The following CREBZF variants were observed in gnomAD, a reference collection of about 807,000 sequenced individuals.
CREBZF encodes HCF-binding transcription factor Zhangfei.
CREBZF carries 8 observed loss-of-function variants against 21.1 expected under a neutral mutation model. That is an observed-to-expected ratio of 0.38 (90% confidence interval 0.22 to 0.68). CREBZF has a LOEUF of 0.68. CREBZF is among the 30% of genes least tolerant of loss of function. The pLI is 0.51. For missense variants in CREBZF, 518 were observed against 484.3 expected (o/e 1.07, Z -0.65); for synonymous variants, 270 against 223.3 (o/e 1.21, Z -1.86).
intron 1 of CREBZF, among the ~76,000 whole-genome samples, chr11:85,676,896 G>A (rs977389384): frequency 7.5e-5 from 11 of 147,630 alleles, no homozygotes; most frequent in African/African-American, 1.0e-4. Flanking sequence ...CGCTTGCCTC[G>A]GCCTCCCAAA....
chr11:85,674,776 C>A (rs538083519), intron 1 of CREBZF, among the ~76,000 whole-genome samples: 1 of 152,242 alleles, frequency 6.6e-6, no homozygotes, highest in Non-Finnish European at 1.5e-5. Flanking sequence ...GTTGCTGCTT[C>A]TCCATCAGCA....
chr11:85,664,324 C>G lies in CREBZF; in HGVS notation c.552G>C (p.Lys184Asn). ...CTCCTCCTGGGGACTTTCTCCGCCTCTTTTCGGCGCTGCCACTGTCACTGC... is the reference window on the plus strand; with the variant it reads ...CTCCTCCTGGGGACTTTCTCCGCCTGTTTTCGGCGCTGCCACTGTCACTGC... ...SSSSDSGSAE[K>N]RRRKSPGGGG... Residue 184 changes from lysine to asparagine, a missense_variant, in exon 1 of 1, where the codon AAG becomes AAC. Coordinates refer to ENST00000527447, the MANE Select transcript of CREBZF (RefSeq NM_001039618.4). This position sits in a 1 kb window ranked among gnomAD's most constrained non-coding sequence, Gnocchi z 5.5. 4 of 1,612,152 alleles carry G rather than the reference C, an allele frequency of 2.5e-6. No homozygotes were observed. Among genetic ancestry groups the G allele is most frequent in the Non-Finnish European group, 3.4e-6 (4 of 1,179,430 alleles).
At position 85,663,564 on chromosome 11, in the gene CREBZF, A is replaced by G. The variant is rs938135568; in HGVS notation, c.*247T>C. ...GAACGACTGTTCTGTAACCCCTACAACGGAGCCTGGCAGGAAGGAAATCAC... is the reference window on the plus strand; with the variant it reads ...GAACGACTGTTCTGTAACCCCTACAGCGGAGCCTGGCAGGAAGGAAATCAC... On this transcript the variant is annotated 3_prime_UTR_variant, in exon 1 of 1. Transcript: ENST00000527447. 2 of 1,498,640 alleles carry G rather than the reference A, an allele frequency of 1.3e-6. No individual in the cohort carries two copies. The highest frequency in any genetic ancestry group is 1.8e-6 in the Non-Finnish European group (2 of 1,099,546). The allele number at this position is 1,498,640 out of a possible 1,614,324, so 92.8% of individuals were successfully genotyped here. A position where few individuals can be genotyped will look rare whatever the true frequency, so the allele number is the denominator to read the frequency against.
Position 85,663,358 on chromosome 11 carries a change from C to A in CREBZF, c.*453G>T. On this transcript the variant is annotated 3_prime_UTR_variant, in exon 1 of 1. Transcript: ENST00000527447. The stretch of plus-strand genomic sequence containing the variant: ...GAGGCATCTTAAATACATTCTTGAC[C>A]AGCACAAGTCTGTTTCCAGGGTGGA... The A allele has an allele frequency of 1.6e-6, 1 of 617,608 alleles. No individual in the cohort carries two copies. The allele number at this position is 617,608 out of a possible 1,614,324, so 38.3% of individuals were successfully genotyped here.
At chr11:85,673,457 TTA>T (rs2082925293) in intron 1 of CREBZF, among the ~76,000 whole-genome samples, 1 of 152,232 alleles carries the variant, frequency 6.6e-6, no homozygotes, top group African/African-American at 2.4e-5. Context: ...TGCAACAGCA[TTA>T]TGTCTTTGAA....
Position 85,664,426 on chromosome 11 carries a change from C to T in CREBZF, c.450G>A (p.Glu150=), listed in dbSNP as rs2082791145. The change falls in exon 1 of 1, where the codon GAG becomes GAA. Residue 150 remains glutamate (E), a synonymous_variant. Transcript: ENST00000527447. The surrounding 1 kb of genome is among the most constrained non-coding windows in gnomAD (Gnocchi z 5.5). ...GGLWRGDDDD[E]AAAAEMQRFS... The stretch of plus-strand genomic sequence containing the variant: ...AGCGCTGCATTTCAGCAGCCGCGGC[C>T]TCATCGTCATCGTCCCCTCTCCACA... 6.2e-7 allele frequency: 1 copy of T among 1,613,812 alleles called. No individual in the cohort carries two copies. The highest frequency in any genetic ancestry group is 2.2e-5 in the East Asian group (1 of 44,860).
At chr11:85,678,477 A>G (rs1362424376) in intron 1 of CREBZF, among the ~76,000 whole-genome samples, 1 of 152,208 alleles carries the variant, frequency 6.6e-6, no homozygotes, top group East Asian at 1.9e-4. Flanking sequence ...TTAAGTCTTG[A>G]AAATTTTCTC....
In CREBZF at chr11:85,659,758, A is replaced by T. The variant is rs1565804637; in HGVS notation, c.*4053T>A. The T allele has an allele frequency of 6.6e-6, 1 of 152,020 alleles. No individual in the cohort carries two copies. Among genetic ancestry groups the T allele is most frequent in the Non-Finnish European group, 1.5e-5 (1 of 67,924 alleles). 9.4% of individuals were successfully genotyped at this position (152,020 alleles called of 1,614,324 possible). On this transcript the variant is annotated 3_prime_UTR_variant, in exon 1 of 1. Coordinates refer to ENST00000527447, the MANE Select transcript of CREBZF (RefSeq NM_001039618.4). ...ATAAACTGAAAAAATATTTCAATTA[A>T]AACAACCATATGCCACAAAAAGCCA...
chr11:85,678,532 A>G (rs2082956253), intron 1 of CREBZF, among the ~76,000 whole-genome samples: 1 of 152,224 alleles, frequency 6.6e-6, no homozygotes, highest in Non-Finnish European at 1.5e-5. Context: ...GCATCAATAT[A>G]TAGAAAAATG....
chr11:85,679,240 C>T (rs763148294), intron 1 of CREBZF, among the ~76,000 whole-genome samples: 24 of 152,176 alleles, frequency 1.6e-4, no homozygotes, highest in Non-Finnish European at 2.5e-4. Flanking sequence ...CCAGGAAAAG[C>T]GTCCTCTAAT....
At chr11:85,681,471 T>C (rs1479118066) in intron 1 of CREBZF, among the ~76,000 whole-genome samples, 1 of 152,236 alleles carries the variant, frequency 6.6e-6, no homozygotes, top group Non-Finnish European at 1.5e-5. Context: ...TACCAGTCAG[T>C]TCATTTCTCC....
rs2082677507 is a variant in CREBZF at position 85,661,473 on chromosome 11, G to A, written c.*2338C>T. The stretch of plus-strand genomic sequence containing the variant: ...TTCCAAAAACTGCCATTTATAAAAT[G>A]ACATTCTAAAAATCTACACTTGGAA... On this transcript the variant is annotated 3_prime_UTR_variant, in exon 1 of 1. Transcript: ENST00000527447. The A allele has an allele frequency of 6.6e-6, 1 of 152,418 alleles. No homozygotes were observed. The highest frequency in any genetic ancestry group is 1.5e-5 in the Non-Finnish European group (1 of 67,982). 9.4% of individuals were successfully genotyped at this position (152,418 alleles called of 1,614,324 possible).
chr11:85,662,671 A>G lies in CREBZF; in HGVS notation c.*1140T>C. 2.5e-6 allele frequency: 1 copy of G among 399,820 alleles called. No homozygotes were observed. The highest frequency in any genetic ancestry group is 4.5e-6 in the Non-Finnish European group (1 of 224,234). The allele number at this position is 399,820 out of a possible 1,614,324, so 24.8% of individuals were successfully genotyped here. On this transcript the variant is annotated 3_prime_UTR_variant, in exon 1 of 1. Transcript: ENST00000527447. ...CCAGAACCACTCAATTTAAAAAATT[A>G]TTTTAAAATAGGACAAATACTTTTG...
At chr11:85,674,419 T>C (rs563014017) in intron 1 of CREBZF, among the ~76,000 whole-genome samples, 1 of 152,340 alleles carries the variant, frequency 6.6e-6, no homozygotes, top group East Asian at 1.9e-4. Context: ...AAATATTCAG[T>C]AAACCACACT....
chr11:85,682,606 T>TTC, intron 1 of CREBZF: 3 of 204,628 alleles, frequency 1.5e-5, no homozygotes, highest in Non-Finnish European at 1.7e-5. Flanking sequence ...CCTGCCCTAC[T>TTC]CCCCCCAACG....
In CREBZF at chr11:85,658,155, G is replaced by A. The variant is rs914115984; in HGVS notation, c.*5656C>T. On this transcript the variant is annotated 3_prime_UTR_variant, in exon 1 of 1. Coordinates refer to ENST00000527447, the MANE Select transcript of CREBZF (RefSeq NM_001039618.4). ...CAATGAATTAAAAGTAATTTCTGGC[G>A]TTAACCCAAGTACCGAGTTAAGACT... Among the ~76,000 whole-genome samples the A allele has an allele frequency of 2.6e-5, 4 of 151,834 alleles. No homozygotes were observed. Among genetic ancestry groups the A allele is most frequent in the African/African-American group, 4.8e-5 (2 of 41,404 alleles).
At chr11:85,671,129 G>A (rs749627256) in intron 1 of CREBZF, among the ~76,000 whole-genome samples, 6 of 152,174 alleles carry the variant, frequency 3.9e-5, no homozygotes, top group Non-Finnish European at 8.8e-5. Context: ...TCACAATCAT[G>A]GTGGAAGGCA....
chr11:85,665,264 C>G (rs575312290), upstream of CREBZF, among the ~76,000 whole-genome samples: 16 of 152,182 alleles, frequency 1.1e-4, no homozygotes, highest in Non-Finnish European at 2.1e-4. Context: ...GCAAAAATAA[C>G]AAGTCTCTAG....
At chr11:85,669,760 C>T (rs1010631138), upstream of CREBZF, among the ~76,000 whole-genome samples, 6 of 152,084 alleles carry the variant, frequency 3.9e-5, no homozygotes, top group African/African-American at 1.4e-4. Flanking sequence ...GACATGTGTT[C>T]GTATACACAC....
Sources: gnomAD v4.1 joint callset for allele counts (sites outside exome capture counted in the v4.1 genomes callset) on GRCh38, gnomAD v4.1.1 for gene constraint, Gnocchi (gnomAD v3.1) non-coding constraint, MANE v1.5 for transcripts, NCBI Gene and HGNC (gene_info 2026-07-23, HGNC 2026-07-21) for gene names.